Variants in NEB observed in about 807,000 individuals in gnomAD.
The protein encoded by NEB is nebulin.
A neutral mutation model predicts 952.2 loss-of-function variants in NEB; 512 were observed. The ratio of observed to expected loss-of-function variants is 0.54; its 90% CI spans 0.50 to 0.58. NEB has a LOEUF of 0.58. Ranked by LOEUF, NEB falls within the 20% of genes least tolerant of loss-of-function variation. NEB has a pLI of 0.00. For missense variants in NEB, 8,428 were observed against 9,231.1 expected (o/e 0.91, Z 3.56); for synonymous variants, 2,900 against 3,149.8 (o/e 0.92, Z 2.66).
intron 119 of NEB, among the ~76,000 whole-genome samples, 152 bp from the exon 120 acceptor site, chr2:151,562,960 A>G (rs1577673889): frequency 2.0e-5 from 3 of 148,620 alleles, no homozygotes; most frequent in South Asian, 2.1e-4. Context: ...TACTTTATAT[A>G]TATATACTTT....
In NEB at chr2:151,697,606, T is replaced by C. The variant is rs376394584; in HGVS notation, c.1195A>G (p.Ile399Val). The change falls in exon 14 of 182, where the codon ATA becomes GTA. Residue 399 changes from isoleucine to valine, a missense_variant. Ile to Val is a conservative substitution (Grantham distance 29). Transcript: ENST00000397345. Reference protein sequence around the residue: ...ENYEKTKAKSINYCETPKFKL... With the variant: ...ENYEKTKAKSVNYCETPKFKL... ...AATTTGGGGGTCTCGCAGTAATTTA[T>C]GCTCTTTGCTTTTGTCTTTTCATAG... 4.3e-6 allele frequency: 7 copies of C among 1,612,578 alleles called. No homozygotes were observed. The highest frequency in any genetic ancestry group is 5.9e-6 in the Non-Finnish European group (7 of 1,179,602).
intron 114 of NEB, among the ~76,000 whole-genome samples, chr2:151,566,674 T>C (rs1388240609): frequency 1.3e-5 from 2 of 152,208 alleles, no homozygotes; most frequent in African/African-American, 2.4e-5. Context: ...TGAGGCATAC[T>C]GGGCCCTCAT....
chr2:151,508,709 CCAAA>C (rs1276250056), intron 161 of NEB, among the ~76,000 whole-genome samples: 1 of 152,196 alleles, frequency 6.6e-6, no homozygotes, highest in East Asian at 1.9e-4. Context: ...GGCAGCTCTA[CCAAA>C]CAGACACACC....
In NEB at chr2:151,640,327, G is replaced by T. The variant is rs1256109828; in HGVS notation, c.8685+28C>A. ...GGGTGTTAAATAATTTCCCACCTCT[G>T]CACGTTATTATGACTCTCAGTACTC... On this transcript the variant is annotated intron_variant, in intron 61 of 181. Coordinates refer to ENST00000397345, the MANE Select transcript of NEB (RefSeq NM_001164508.2). 2.5e-6 allele frequency: 4 copies of T among 1,606,136 alleles called. No individual in the cohort carries two copies. In the African/African-American group the frequency reaches 4.0e-5, roughly 16 times the overall value.
rs190990358 is a variant in NEB at position 151,503,051 on chromosome 2, A to C, written c.23836-166T>G. The C allele has an allele frequency of 1.9e-4, 110 of 593,670 alleles. 2 individuals carry two copies. In the African/African-American group the frequency reaches 1.9e-3, roughly 10 times the overall value. The allele number at this position is 593,670 out of a possible 1,614,324, so 36.8% of individuals were successfully genotyped here. ...TTTCACAGTTTTAATGATGAACTCT[A>C]CAATGCTAATTCTGGAAATGAAAAA... On this transcript the variant is annotated intron_variant, in intron 166 of 181. Coordinates refer to ENST00000397345, the MANE Select transcript of NEB (RefSeq NM_001164508.2).
chr2:151,646,553 G>A (rs1404796706), intron 54 of NEB, among the ~76,000 whole-genome samples: 2 of 152,170 alleles, frequency 1.3e-5, no homozygotes, highest in Non-Finnish European at 2.9e-5. Flanking sequence ...GTGTCCCTCA[G>A]TGTTTAATTT....
chr2:151,649,246 A>C (rs2099001477), intron 54 of NEB, among the ~76,000 whole-genome samples: 1 of 152,230 alleles, frequency 6.6e-6, no homozygotes, highest in African/African-American at 2.4e-5. Context: ...AGCATTTACT[A>C]TACATTCTGG....
chr2:151,653,931 G>T (rs561429482), intron 52 of NEB, 61 bp downstream of exon 52: 3 of 1,099,916 alleles, frequency 2.7e-6, no homozygotes, highest in Non-Finnish European at 2.7e-6. Context: ...AATAGTTACC[G>T]ACATTAAGTC....
intron 144 of NEB, among the ~76,000 whole-genome samples, chr2:151,531,414 T>C (rs1449071295): frequency 7.0e-6 from 1 of 143,750 alleles, no homozygotes; most frequent in Admixed American, 7.5e-5. Flanking sequence ...TCTCCTGGGC[T>C]CAAGCAATTG....
rs560737063 is a variant in NEB, at chr2:151,524,753, G to A, written c.22273-137C>T. On this transcript the variant is annotated intron_variant, in intron 151 of 181. Transcript: ENST00000397345. ...ACAATCTCAGCTCACTGCAACTTCT[G>A]TCTCCCGGATTCAAGTGATTCTTCT... The A allele has an allele frequency of 1.0e-5, 7 of 691,638 alleles. No homozygotes were observed. In the South Asian group the frequency reaches 1.3e-4, roughly 13 times the overall value. The allele number at this position is 691,638 out of a possible 1,614,324, so 42.8% of individuals were successfully genotyped here.
chr2:151,681,902 C>T (rs1359216537), intron 29 of NEB, among the ~76,000 whole-genome samples: 1 of 152,008 alleles, frequency 6.6e-6, no homozygotes, highest in Non-Finnish European at 1.5e-5. Context: ...TATTCATAAT[C>T]ACAAAAAAAT....
rs143644938 is a variant in NEB, at chr2:151,636,226, C to G, written c.9102+1G>C. 1 of 1,605,528 alleles carries G rather than the reference C, an allele frequency of 6.2e-7. No individual in the cohort carries two copies. The highest frequency in any genetic ancestry group is 1.3e-5 in the African/African-American group (1 of 74,996). On this transcript the variant is annotated splice_donor_variant, in intron 64 of 181. Coordinates refer to ENST00000397345, the MANE Select transcript of NEB (RefSeq NM_001164508.2). LOFTEE classifies it high-confidence loss of function. ...TACTCAGAATGGAATTGACAACTCA[C>G]GTCACTGATGATGTCCCTGGAGGCC...
rs571472421 is a variant in NEB, at chr2:151,625,516, T to G, written c.10452+18A>C. The G allele has an allele frequency of 2.6e-6, 4 of 1,541,210 alleles. No homozygotes were observed. In the African/African-American group the frequency reaches 5.4e-5, roughly 21 times the overall value. ...AATCAATGTGGCCAGACCAAAGAAA[T>G]AAAACAAATGATCTTACCTCACTAT... is the stretch of plus-strand genomic sequence containing the variant. On this transcript the variant is annotated intron_variant, in intron 71 of 181. Transcript: ENST00000397345.
rs572294892 is a variant in NEB, at chr2:151,616,330, G to A, written c.11182-221C>T. On this transcript the variant is annotated intron_variant, in intron 75 of 181. Transcript: ENST00000397345. ...GACTTGTAAATTTCAACAAAAAAAT[G>A]TGGGGAAAAAATCAACATTTGGTTG... Among the ~76,000 whole-genome samples, 3 of 152,130 alleles carry A rather than the reference G, an allele frequency of 2.0e-5. No individual in the cohort carries two copies. In the South Asian group the frequency reaches 6.2e-4, roughly 32 times the overall value.
At chr2:151,488,207 T>TA (rs2052743746) in intron 181 of NEB, among the ~76,000 whole-genome samples, 1 of 152,168 alleles carries the variant, frequency 6.6e-6, no homozygotes. Context: ...ATATTTTTGT[T>TA]ATGTATGCTG....
At chr2:151,531,423 T>G (rs1053930218) in intron 144 of NEB, among the ~76,000 whole-genome samples, 48 of 151,104 alleles carry the variant, frequency 3.2e-4, no homozygotes, top group Non-Finnish European at 6.3e-4. Flanking sequence ...CTCAAGCAAT[T>G]GTCACGCCTC....
At chr2:151,499,241 A>G in intron 169 of NEB, 57 bp downstream of exon 169, 1 of 949,534 alleles carries the variant, frequency 1.1e-6, no homozygotes, top group Non-Finnish European at 1.6e-6. Context: ...AAATCTAGCC[A>G]TTAATCTTTT....
intron 130 of NEB, among the ~76,000 whole-genome samples, chr2:151,548,860 T>C (rs1577079854): frequency 6.6e-6 from 1 of 152,204 alleles, no homozygotes; most frequent in African/African-American, 2.4e-5. Flanking sequence ...AAGTACATTA[T>C]TGAGCCACAG....
At position 151,674,459 on chromosome 2, in the gene NEB, C is replaced by G. The variant is rs2099342808; in HGVS notation, c.3987+18G>C. On this transcript the variant is annotated intron_variant, in intron 36 of 181. Coordinates refer to ENST00000397345, the MANE Select transcript of NEB (RefSeq NM_001164508.2). ...CAAAAAGGCAAACACCTAAACTTCA[C>G]CTAAAATTTGTACTCACATCACTGG... The G allele has an allele frequency of 6.3e-7, 1 of 1,597,878 alleles. No individual in the cohort carries two copies. Among genetic ancestry groups the G allele is most frequent in the Non-Finnish European group, 8.6e-7 (1 of 1,165,324 alleles).
Sources: gnomAD v4.1 joint callset for allele counts (sites outside exome capture counted in the v4.1 genomes callset) on GRCh38, gnomAD v4.1.1 for gene constraint, MANE v1.5 for transcripts, NCBI Gene and HGNC (gene_info 2026-07-23, HGNC 2026-07-21) for gene names.